Variants in TMEM132C observed in about 807,000 individuals in gnomAD.
The protein encoded by TMEM132C is transmembrane protein 132C.
Under a neutral mutation model 61.4 loss-of-function variants are expected in TMEM132C, and 29 were observed. The ratio of observed to expected loss-of-function variants is 0.47; its 90% CI spans 0.35 to 0.64. The LOEUF (loss-of-function observed/expected upper bound fraction) is 0.64, where lower values mean the gene tolerates loss of function less well. Ranked by LOEUF, TMEM132C falls within the 30% of genes least tolerant of loss-of-function variation. The pLI is 0.00. For missense variants in TMEM132C, 1,408 were observed against 1,476.9 expected (o/e 0.95, Z 0.76); for synonymous variants, 656 against 633.1 (o/e 1.04, Z -0.54).
rs946035891 is a variant in TMEM132C at position 128,706,371 on chromosome 12, G to C, written c.*76G>C. 1.5e-5 allele frequency: 22 copies of C among 1,439,334 alleles called. No homozygotes were observed. The highest frequency in any genetic ancestry group is 2.0e-5 in the Non-Finnish European group (22 of 1,099,458). The allele number at this position is 1,439,334 out of a possible 1,614,324, so 89.2% of individuals were successfully genotyped here. Reference sequence around the variant, plus strand: ...TGGCCCAAGTGGGGCAGAAGGCGTTGTCAGTGGGGTTAAGAAGGGACGGTC... The same window carrying C: ...TGGCCCAAGTGGGGCAGAAGGCGTTCTCAGTGGGGTTAAGAAGGGACGGTC... On this transcript the variant is annotated 3_prime_UTR_variant, in exon 9 of 9. Transcript: ENST00000435159.
At chr12:128,631,067 A>C (rs1954061486) in intron 4 of TMEM132C, among the ~76,000 whole-genome samples, 1 of 152,144 alleles carries the variant, frequency 6.6e-6, no homozygotes, top group African/African-American at 2.4e-5. Context: ...TATGTTTTCT[A>C]TATGTTTCTA....
chr12:128,539,327 CAT>C (rs1174164195), intron 2 of TMEM132C, among the ~76,000 whole-genome samples: 2 of 152,148 alleles, frequency 1.3e-5, no homozygotes, highest in East Asian at 3.9e-4. Flanking sequence ...TTAGCACACA[CAT>C]GTGTGGGCTG....
intron 2 of TMEM132C, among the ~76,000 whole-genome samples, chr12:128,458,667 G>A (rs1422237655): frequency 6.6e-6 from 1 of 152,184 alleles, no homozygotes; most frequent in Non-Finnish European, 1.5e-5. Context: ...CCAGATCTCT[G>A]CTGGGGGGCA....
chr12:128,706,245 G>T lies in TMEM132C; in HGVS notation c.3277G>T (p.Ala1093Ser), dbSNP rs1248211122. The change falls in exon 9 of 9, where the codon GCC (alanine) becomes TCC (serine). Residue 1093 changes from alanine to serine, a missense_variant. By Grantham distance (99) the Ala-to-Ser change is moderately conservative (BLOSUM62 1). Transcript: ENST00000435159. ...GGTGTGTCAAGACGTGGCTGTGGGT[G>T]CCCCCAAGGAACTTAGAAACTATCT... ...KWVCQDVAVG[A>S]PKELRNYLEK... 2 of 1,551,080 alleles carry T rather than the reference G, an allele frequency of 1.3e-6. No individual in the cohort carries two copies. Among genetic ancestry groups the T allele is most frequent in the Admixed American group, 3.9e-5 (2 of 50,912 alleles).
At chr12:128,446,890 A>C (rs1236649292) in intron 2 of TMEM132C, among the ~76,000 whole-genome samples, 1 of 152,230 alleles carries the variant, frequency 6.6e-6, no homozygotes, top group Admixed American at 6.5e-5. Flanking sequence ...CAAAATGCAT[A>C]AATGAATACA....
At chr12:128,287,362 T>C (rs909144552) in intron 1 of TMEM132C, among the ~76,000 whole-genome samples, 1 of 152,212 alleles carries the variant, frequency 6.6e-6, no homozygotes, top group Admixed American at 6.5e-5. Context: ...GCAAAAATAG[T>C]ACAAAGAGTC....
intron 2 of TMEM132C, among the ~76,000 whole-genome samples, chr12:128,507,235 T>C (rs1157831038): frequency 2.0e-5 from 3 of 152,146 alleles, no homozygotes; most frequent in Non-Finnish European, 4.4e-5. Flanking sequence ...TTTTATTCCA[T>C]TACTGCATAC....
At chr12:128,348,737 C>T (rs1164340588) in intron 1 of TMEM132C, among the ~76,000 whole-genome samples, 1 of 152,188 alleles carries the variant, frequency 6.6e-6, no homozygotes, top group African/African-American at 2.4e-5. Flanking sequence ...TGTCATCTTT[C>T]TGTGAGGTGA....
chr12:128,566,699 C>T (rs1874716771), intron 3 of TMEM132C, among the ~76,000 whole-genome samples: 1 of 152,182 alleles, frequency 6.6e-6, no homozygotes, highest in Admixed American at 6.5e-5. Context: ...GGATAAATAG[C>T]CACATTCCCA....
intron 4 of TMEM132C, among the ~76,000 whole-genome samples, chr12:128,654,944 C>T (rs776629798): frequency 6.6e-6 from 1 of 152,196 alleles, no homozygotes; most frequent in Non-Finnish European, 1.5e-5. Context: ...CTCCTCTCTC[C>T]TCTGTCCCCT....
At position 128,697,409 on chromosome 12, in the gene TMEM132C, C is replaced by T. The variant is rs1369329006; in HGVS notation, c.2115C>T (p.Pro705=). The T allele has an allele frequency of 6.5e-7, 1 of 1,534,898 alleles. No individual in the cohort carries two copies. The highest frequency in any genetic ancestry group is 8.8e-7 in the Non-Finnish European group (1 of 1,134,160). ...VVTAEEVLRT[P]KQEAVFSTWL... ...CAGCTGAGGAGGTGCTGCGGACCCCCAAACAGGTAGGGGGCCAAATGCCAG... is the reference window on the plus strand; with the variant it reads ...CAGCTGAGGAGGTGCTGCGGACCCCTAAACAGGTAGGGGGCCAAATGCCAG... Residue 705 remains proline, a synonymous_variant, in exon 8 of 9, where the codon CCC becomes CCT. Transcript: ENST00000435159.
chr12:128,589,476 G>C (rs982003636), intron 3 of TMEM132C, among the ~76,000 whole-genome samples: 3 of 151,944 alleles, frequency 2.0e-5, no homozygotes, highest in African/African-American at 7.3e-5. Flanking sequence ...CCAGGTTTTA[G>C]TATAAAAATC....
At chr12:128,564,952 A>G (rs1874646901) in intron 3 of TMEM132C, among the ~76,000 whole-genome samples, 1 of 152,180 alleles carries the variant, frequency 6.6e-6, no homozygotes, top group Non-Finnish European at 1.5e-5. Flanking sequence ...AACCAATATT[A>G]TGGGATATTG....
intron 1 of TMEM132C, among the ~76,000 whole-genome samples, chr12:128,303,527 C>A (rs1871664807): frequency 6.6e-6 from 1 of 152,148 alleles, no homozygotes; most frequent in African/African-American, 2.4e-5. Flanking sequence ...ATTCACTGGT[C>A]AACTCAAGCA....
intron 2 of TMEM132C, among the ~76,000 whole-genome samples, chr12:128,440,835 G>A (rs1869757851): frequency 6.6e-6 from 1 of 152,130 alleles, no homozygotes; most frequent in Admixed American, 6.5e-5. Context: ...GAAAACTTGA[G>A]ATGAAGAGTT....
At chr12:128,280,538 A>G (rs1870856809) in intron 1 of TMEM132C, among the ~76,000 whole-genome samples, 1 of 152,248 alleles carries the variant, frequency 6.6e-6, no homozygotes, top group African/African-American at 2.4e-5. Context: ...TTAACTTAAT[A>G]GCGTAATCAC....
At chr12:128,356,723 A>C (rs1297559872) in intron 1 of TMEM132C, among the ~76,000 whole-genome samples, 1 of 152,256 alleles carries the variant, frequency 6.6e-6, no homozygotes, top group African/African-American at 2.4e-5. Context: ...CCAGCCTCTA[A>C]TTCGGTTGTA....
chr12:128,611,758 A>G (rs1876642431), intron 3 of TMEM132C, among the ~76,000 whole-genome samples: 1 of 152,174 alleles, frequency 6.6e-6, no homozygotes, highest in South Asian at 2.1e-4. Context: ...TAAAATCCAG[A>G]GATTTTAGAG....
intron 2 of TMEM132C, among the ~76,000 whole-genome samples, chr12:128,460,980 C>A (rs549940974): frequency 6.6e-6 from 1 of 152,024 alleles, no homozygotes; most frequent in South Asian, 2.1e-4. Context: ...GGAGAGGATG[C>A]GTGTTCATCA....
Sources: allele counts gnomAD v4.1 joint callset (sites outside exome capture counted in the v4.1 genomes callset), GRCh38; gene constraint gnomAD v4.1.1; transcripts MANE v1.5; gene names NCBI Gene and HGNC (gene_info 2026-07-23, HGNC 2026-07-21).